The following CACNA1B variants were observed in gnomAD, a reference collection of about 807,000 sequenced individuals.
CACNA1B encodes the protein voltage-dependent N-type calcium channel subunit alpha-1B.
A neutral mutation model predicts 247.2 loss-of-function variants in CACNA1B; 70 were observed. That is an observed-to-expected ratio of 0.28 (90% CI 0.23 to 0.35). CACNA1B has a LOEUF of 0.35. Among genes scored for constraint, CACNA1B ranks in the 10% least tolerant of loss-of-function variants. The pLI is 1.00. For missense variants in CACNA1B, 2,367 were observed against 3,197.4 expected (o/e 0.74, Z 6.26); for synonymous variants, 1,231 against 1,294.4 (o/e 0.95, Z 1.05).
At chr9:137,906,795 G>A (rs1283701153) in intron 3 of CACNA1B, among the ~76,000 whole-genome samples, 1 of 150,966 alleles carries the variant, frequency 6.6e-6, no homozygotes, top group African/African-American at 2.4e-5. Context: ...TCCTCTGCAT[G>A]CCATGTGATG....
intron 40 of CACNA1B, 143 bp downstream of exon 40, chr9:138,112,648 C>A: frequency 1.6e-6 from 1 of 633,662 alleles, no homozygotes; most frequent in East Asian, 2.8e-5. Context: ...AATCTGCCCT[C>A]AGCTCCAACC....
intron 20 of CACNA1B, among the ~76,000 whole-genome samples, chr9:138,030,322 T>C (rs1040926331): frequency 1.3e-5 from 2 of 152,172 alleles, no homozygotes; most frequent in African/African-American, 2.4e-5. Flanking sequence ...TGGATGAATA[T>C]TGTCAAATGA....
intron 39 of CACNA1B, among the ~76,000 whole-genome samples, chr9:138,111,520 G>A (rs1380124780): frequency 6.8e-6 from 1 of 146,698 alleles, no homozygotes; most frequent in African/African-American, 2.5e-5. Flanking sequence ...AGGGAGCACA[G>A]AGGAATTTGG....
At chr9:138,024,867 C>T (rs1958900926) in intron 19 of CACNA1B, 88 bp from the exon 20 acceptor site, 1 of 911,414 alleles carries the variant, frequency 1.1e-6, no homozygotes, top group Non-Finnish European at 1.7e-6. Context: ...CTCCTGGGCT[C>T]AAGTGATCCT....
intron 24 of CACNA1B, among the ~76,000 whole-genome samples, chr9:138,049,636 G>C (rs1164043404): frequency 6.6e-6 from 1 of 152,076 alleles, no homozygotes; most frequent in Admixed American, 6.5e-5. Context: ...GGGACCGGGC[G>C]GCACAGCCTC....
chr9:138,032,328 T>G (rs527254989), intron 20 of CACNA1B, among the ~76,000 whole-genome samples: 7 of 152,126 alleles, frequency 4.6e-5, no homozygotes, highest in Non-Finnish European at 1.0e-4. Context: ...TGTAATGTAA[T>G]TGTCTTAAAT....
At chr9:137,968,015 C>T (rs77436266) in intron 10 of CACNA1B, among the ~76,000 whole-genome samples, 2,902 of 152,266 alleles carry the variant, frequency 0.019, 87 homozygotes, top group African/African-American at 0.063. Flanking sequence ...GAGTGGTTTC[C>T]GAAGAGAATT....
chr9:138,025,015 G>A lies in CACNA1B; in HGVS notation c.3129G>A (p.Leu1043=), dbSNP rs1958903135. 1.9e-6 allele frequency: 3 copies of A among 1,601,898 alleles called. No individual in the cohort carries two copies. The highest frequency in any genetic ancestry group is 2.6e-6 in the Non-Finnish European group (3 of 1,174,290). The part of the protein sequence containing the change: ...GTVTVGPMHT[L]PSTCLQKVEE... ...TGACTGTGGGTCCCATGCACACACT[G>A]CCCAGCACCTGTCTCCAGAAGGTGG... Residue 1043 remains leucine, a synonymous_variant, in exon 20 of 47, where the codon CTG becomes CTA. Transcript: ENST00000371372.
chr9:138,061,850 G>T (rs1959736473), intron 31 of CACNA1B, among the ~76,000 whole-genome samples: 1 of 152,244 alleles, frequency 6.6e-6, no homozygotes, highest in South Asian at 2.1e-4. Context: ...CCAGATGGAA[G>T]CCCAGTGTTG....
chr9:138,121,819 C>T lies in CACNA1B; in HGVS notation c.6840C>T (p.Phe2280=), dbSNP rs201383337. The T allele has an allele frequency of 7.9e-5, 127 of 1,613,306 alleles. 1 individual carries two copies. In the African/African-American group the frequency reaches 9.9e-4, roughly 13 times the overall value. The change falls in exon 47 of 47, where the codon TTC becomes TTT. Residue 2280 remains phenylalanine, a synonymous_variant. Coordinates refer to ENST00000371372, the MANE Select transcript of CACNA1B (RefSeq NM_000718.4). This position sits in a 1 kb window ranked among gnomAD's most constrained non-coding sequence, Gnocchi z 6.8. The part of the protein sequence containing the change: ...VHALPEDTLT[F]EEAVATNSGR... ...CCCTGCCTGAGGACACTCTCACTTT[C>T]GAGGAGGCTGTGGCCACCAACTCGG...
rs370836710 is a variant in CACNA1B at position 137,899,766 on chromosome 9, A to G, written c.531-13414A>G. 1.2e-3 allele frequency among the ~76,000 whole-genome samples: 178 copies of G among 152,302 alleles called. No homozygotes were observed. The South Asian group carries it at 0.016, about 13-fold the overall frequency. ...GCCAGCTTGGCTCCCATGTAGAACC[A>G]GCCTGAGAGTAGTAAGCAGTCTCCC... On this transcript the variant is annotated intron_variant, in intron 3 of 46. Transcript: ENST00000371372. The surrounding 1 kb of genome is among the most constrained non-coding windows in gnomAD (Gnocchi z 5.0).
chr9:137,893,461 C>T (rs1421986817), intron 3 of CACNA1B, among the ~76,000 whole-genome samples: 6 of 150,124 alleles, frequency 4.0e-5, no homozygotes, highest in Non-Finnish European at 8.9e-5. Context: ...CCAGCCTGAC[C>T]AACATGGTGA....
chr9:137,949,227 T>C (rs1371388059), intron 6 of CACNA1B, among the ~76,000 whole-genome samples: 21 of 93,068 alleles, frequency 2.3e-4, no homozygotes, highest in South Asian at 1.8e-3. Flanking sequence ...TGTGAGTGTG[T>C]GTGTGGTGTA....
intron 31 of CACNA1B, among the ~76,000 whole-genome samples, chr9:138,062,726 C>T (rs532987108): frequency 1.3e-5 from 2 of 152,220 alleles, no homozygotes; most frequent in Non-Finnish European, 2.9e-5. Context: ...ACCCAGTATC[C>T]TTACCTACCA....
rs569123004 is a variant in CACNA1B at position 138,082,785 on chromosome 9, C to A, written c.5094+4527C>A. ...CTAGTGCTTGTCCTTCTCAAAAAGACAGAACAATGAACAAAAAATTACATT... is the reference window on the plus strand; with the variant it reads ...CTAGTGCTTGTCCTTCTCAAAAAGAAAGAACAATGAACAAAAAATTACATT... On this transcript the variant is annotated intron_variant, in intron 36 of 46. Transcript: ENST00000371372. Among the ~76,000 whole-genome samples, 43 of 151,120 alleles carry A rather than the reference C, an allele frequency of 2.8e-4. 2 individuals are homozygous for A. The highest frequency in any genetic ancestry group is 1.1e-3 in the African/African-American group (43 of 40,914).
intron 10 of CACNA1B, among the ~76,000 whole-genome samples, chr9:137,959,583 A>G (rs1374298089): frequency 6.6e-6 from 1 of 151,972 alleles, no homozygotes; most frequent in Non-Finnish European, 1.5e-5. Flanking sequence ...AATCCAAAAA[A>G]GAAAAAAAAA....
At chr9:137,925,315 C>T (rs1454799026) in intron 6 of CACNA1B, among the ~76,000 whole-genome samples, 1 of 152,120 alleles carries the variant, frequency 6.6e-6, no homozygotes, top group Non-Finnish European at 1.5e-5. Flanking sequence ...GGGTGTGGGT[C>T]CCTTTAAATT....
Position 138,054,828 on chromosome 9 carries a change from C to T in CACNA1B, c.3968+822C>T, listed in dbSNP as rs924510500. 3.3e-5 allele frequency among the ~76,000 whole-genome samples: 5 copies of T among 152,186 alleles called. No homozygotes were observed. The highest frequency in any genetic ancestry group is 9.7e-5 in the African/African-American group (4 of 41,446). ...AGCTAAATCTTGGTGTTTTCTTTCT[C>T]GCCTTTCTGGGTGTAGTGGTCATTC... On this transcript the variant is annotated intron_variant, in intron 26 of 46. Coordinates refer to ENST00000371372, the MANE Select transcript of CACNA1B (RefSeq NM_000718.4). The surrounding 1 kb of genome is among the most constrained non-coding windows in gnomAD (Gnocchi z 4.6).
intron 3 of CACNA1B, among the ~76,000 whole-genome samples, chr9:137,896,178 G>T (rs1220536749): frequency 6.7e-6 from 1 of 150,100 alleles, no homozygotes; most frequent in Non-Finnish European, 1.5e-5. Context: ...GGCGGAGCTT[G>T]CAGTGAGCCG....
Sources: gnomAD v4.1 joint callset for allele counts (sites outside exome capture counted in the v4.1 genomes callset) on GRCh38, gnomAD v4.1.1 for gene constraint, Gnocchi (gnomAD v3.1) non-coding constraint, MANE v1.5 for transcripts, NCBI Gene and HGNC (gene_info 2026-07-23, HGNC 2026-07-21) for gene names.